The following DEF6 variants were observed in gnomAD, a reference collection of about 807,000 sequenced individuals.
DEF6 encodes differentially expressed in FDCP 6 homolog.
In DEF6, 32 loss-of-function variants were observed where a neutral mutation model predicts 80.5. The observed-to-expected ratio is 0.40, with a 90% CI of 0.30 to 0.53. The LOEUF (loss-of-function observed/expected upper bound fraction) is 0.53. DEF6 is among the 20% of genes least tolerant of loss of function. The pLI, the probability that DEF6 is intolerant of heterozygous loss-of-function variation, is 0.57. For synonymous variants in DEF6, 300 were observed against 337.9 expected (o/e 0.89, Z 1.23); for missense variants, 575 against 818.7 (o/e 0.70, Z 3.63).
chr6:35,314,707 T>G (rs1791505561), intron 5 of DEF6, among the ~76,000 whole-genome samples: 1 of 152,214 alleles, frequency 6.6e-6, no homozygotes, highest in Non-Finnish European at 1.5e-5. Context: ...TTTTCTCCTA[T>G]TCTGTGGGTT....
chr6:35,312,381 A>G lies in DEF6; in HGVS notation c.503A>G (p.Gln168Arg), dbSNP rs1262385231. 1.5e-5 allele frequency: 24 copies of G among 1,614,008 alleles called. No homozygotes were observed. Among genetic ancestry groups the G allele is most frequent in the Non-Finnish European group, 1.9e-5 (22 of 1,180,014 alleles). ...SLGELEELLA[Q>R]EAQVAQTTGG... ...GGTGAGCTGGAGGAGCTTCTGGCCC[A>G]GGAGGCCCAGGTGGCCCAGACCACC... Residue 168 changes from glutamine to arginine, a missense_variant, in exon 4 of 11, where the codon CAG becomes CGG. Gln to Arg is a conservative substitution (Grantham distance 43). Transcript: ENST00000316637. The surrounding 1 kb of genome is among the most constrained non-coding windows in gnomAD (Gnocchi z 6.6).
rs747794235 is a variant in DEF6 at position 35,312,618 on chromosome 6, G to A, written c.661-8G>A. The A allele has an allele frequency of 6.2e-7, 1 of 1,614,230 alleles. No individual in the cohort carries two copies. Among genetic ancestry groups the A allele is most frequent in the South Asian group, 1.1e-5 (1 of 91,088 alleles). On this transcript the variant is annotated splice_polypyrimidine_tract_variant and splice_region_variant and intron_variant, in intron 4 of 10. Coordinates refer to ENST00000316637, the MANE Select transcript of DEF6 (RefSeq NM_022047.4). This position sits in a 1 kb window ranked among gnomAD's most constrained non-coding sequence, Gnocchi z 6.6. Reference sequence around the variant, plus strand: ...CTGGGAAGCCTCTGACGTAACTCCGGCTGGCAGGGCTACCTGTGGAAGCGA... The same window carrying A: ...CTGGGAAGCCTCTGACGTAACTCCGACTGGCAGGGCTACCTGTGGAAGCGA...
At chr6:35,303,718 C>T (rs187279146) in intron 1 of DEF6, among the ~76,000 whole-genome samples, 31 of 152,104 alleles carry the variant, frequency 2.0e-4, no homozygotes, top group African/African-American at 7.0e-4. Context: ...GTGATCAGGC[C>T]GGGCAGGGTA....
chr6:35,309,052 C>G (rs1426102405), intron 1 of DEF6, among the ~76,000 whole-genome samples: 1 of 152,166 alleles, frequency 6.6e-6, no homozygotes, highest in Non-Finnish European at 1.5e-5. Flanking sequence ...TTCTTTGAGC[C>G]CTCTCCTCTC....
Position 35,309,822 on chromosome 6 carries a change from CT to C in DEF6, c.237+14del. 1 of 1,613,346 alleles carries C rather than the reference CT, an allele frequency of 6.2e-7. No individual in the cohort carries two copies. Among genetic ancestry groups the C allele is most frequent in the Non-Finnish European group, 8.5e-7 (1 of 1,179,550 alleles). The stretch of plus-strand genomic sequence containing the variant: ...ACATCCTGGACAAGGTGGGGCCCAG[CT>C]TGTAGGGAGCATCTGTAACCTCTCC... On this transcript the variant is annotated intron_variant, in intron 2 of 10. Transcript: ENST00000316637.
chr6:35,318,392 A>G lies in DEF6; in HGVS notation c.1136A>G (p.Gln379Arg). 7 of 1,532,656 alleles carry G rather than the reference A, an allele frequency of 4.6e-6. No individual in the cohort carries two copies. Among genetic ancestry groups the G allele is most frequent in the Non-Finnish European group, 6.1e-6 (7 of 1,144,078 alleles). The allele number at this position is 1,532,656 out of a possible 1,614,324, so 94.9% of individuals were successfully genotyped here. A position where few individuals can be genotyped will look rare whatever the true frequency, so the allele number is the denominator to read the frequency against. Residue 379 changes from glutamine (Q) to arginine (R), a missense_variant, in exon 7 of 11, where the codon CAG becomes CGG. Physicochemically the swap from Gln to Arg is conservative, Grantham distance 43. Coordinates refer to ENST00000316637, the MANE Select transcript of DEF6 (RefSeq NM_022047.4). The surrounding 1 kb of genome is among the most constrained non-coding windows in gnomAD (Gnocchi z 5.1). ...EAQRQAERLLQEEEERRRSQH... is the reference protein window; with the variant it reads ...EAQRQAERLLREEEERRRSQH... The stretch of plus-strand genomic sequence containing the variant: ...CAGCGGCAGGCCGAGCGGCTGCTGC[A>G]GGAGGAGGAGGAACGGCGCCGCAGC...
chr6:35,317,734 C>T, intron 5 of DEF6, 157 bp from the exon 6 acceptor site: 1 of 596,650 alleles, frequency 1.7e-6, no homozygotes, highest in Non-Finnish European at 2.9e-6. Flanking sequence ...TTAAGTCCCC[C>T]ATAACTTATG....
At chr6:35,320,063 A>G in intron 9 of DEF6, 46 bp downstream of exon 9, 1 of 1,530,994 alleles carries the variant, frequency 6.5e-7, no homozygotes, top group Non-Finnish European at 8.8e-7. Context: ...GGGTGAGCTC[A>G]TTAGGGCACA....
At position 35,309,777 on chromosome 6, in the gene DEF6, C is replaced by T. The variant is rs1286255030; in HGVS notation, c.204C>T (p.Tyr68=). 1 of 1,613,996 alleles carries T rather than the reference C, an allele frequency of 6.2e-7. No individual in the cohort carries two copies. Among genetic ancestry groups the T allele is most frequent in the Non-Finnish European group, 8.5e-7 (1 of 1,180,020 alleles). The part of the protein sequence containing the change: ...DDDGPVSSQG[Y]MPYLNKYILD... ...ACGGCCCTGTGTCCAGCCAGGGATA[C>T]ATGCCCTACCTCAACAAGTACATCC... is the stretch of plus-strand genomic sequence containing the variant. Residue 68 remains tyrosine (Y), a synonymous_variant, in exon 2 of 11, where the codon TAC becomes TAT. Transcript: ENST00000316637.
In DEF6 at chr6:35,312,090, C is replaced by T. The variant is rs1019823062; in HGVS notation, c.424-212C>T. 6.6e-6 allele frequency among the ~76,000 whole-genome samples: 1 copy of T among 152,118 alleles called. No homozygotes were observed. Among genetic ancestry groups the T allele is most frequent in the African/African-American group, 2.4e-5 (1 of 41,414 alleles). Reference sequence around the variant, plus strand: ...AAGGAGTGGGACTGGAGGTTGTGGACGGGGAGAGAAAACCTGAGTTGGGGT... The same window carrying T: ...AAGGAGTGGGACTGGAGGTTGTGGATGGGGAGAGAAAACCTGAGTTGGGGT... On this transcript the variant is annotated intron_variant, in intron 3 of 10. Coordinates refer to ENST00000316637, the MANE Select transcript of DEF6 (RefSeq NM_022047.4). The surrounding 1 kb of genome is among the most constrained non-coding windows in gnomAD (Gnocchi z 6.6).
chr6:35,318,413 G>T lies in DEF6; in HGVS notation c.1157G>T (p.Arg386Leu), dbSNP rs902941435. ...RLLQEEEERR[R>L]SQHRELQQAL... ...CTGCAGGAGGAGGAGGAACGGCGCC[G>T]CAGCCAGCACCGCGAGCTGCAGCAG... The change falls in exon 7 of 11, where the codon CGC (arginine) becomes CTC (leucine). Residue 386 changes from arginine (R) to leucine (L), a missense_variant. Transcript: ENST00000316637. The surrounding 1 kb of genome is among the most constrained non-coding windows in gnomAD (Gnocchi z 5.1). The T allele has an allele frequency of 4.6e-6, 7 of 1,523,944 alleles. No homozygotes were observed. Among genetic ancestry groups the T allele is most frequent in the Non-Finnish European group, 5.3e-6 (6 of 1,141,408 alleles). The allele number at this position is 1,523,944 out of a possible 1,614,324, so 94.4% of individuals were successfully genotyped here.
chr6:35,321,490 T>C lies in DEF6; in HGVS notation c.*80T>C. On this transcript the variant is annotated 3_prime_UTR_variant, in exon 11 of 11. Coordinates refer to ENST00000316637, the MANE Select transcript of DEF6 (RefSeq NM_022047.4). ...GCTGGCCTGTGGGTGATCCCAGCTC[T>C]TACTAGGAGAGGGAGCTGAGGTCCT... 2.2e-6 allele frequency: 3 copies of C among 1,360,850 alleles called. No homozygotes were observed. The highest frequency in any genetic ancestry group is 3.1e-6 in the Non-Finnish European group (3 of 983,544). The allele number at this position is 1,360,850 out of a possible 1,614,324, so 84.3% of individuals were successfully genotyped here.
intron 2 of DEF6, 55 bp downstream of exon 2, chr6:35,309,865 G>T: frequency 6.3e-7 from 1 of 1,599,962 alleles, no homozygotes; most frequent in Admixed American, 1.7e-5. Flanking sequence ...TTCCAGCCTG[G>T]CCAGCAGCCT....
At chr6:35,320,076 C>T in intron 9 of DEF6, 59 bp downstream of exon 9, 4 of 1,503,810 alleles carry the variant, frequency 2.7e-6, no homozygotes, top group Non-Finnish European at 2.7e-6. Context: ...AGGGCACAGG[C>T]TCTGGAGCCA....
chr6:35,317,637 T>G, intron 5 of DEF6: 4 of 417,484 alleles, frequency 9.6e-6, no homozygotes, highest in Non-Finnish European at 1.7e-5. Flanking sequence ...TGAGTGGCGA[T>G]TATGTACTGG....
intron 5 of DEF6, among the ~76,000 whole-genome samples, chr6:35,315,699 G>A (rs550068433): frequency 6.6e-6 from 1 of 151,956 alleles, no homozygotes; most frequent in East Asian, 1.9e-4. Context: ...TACATTCTTT[G>A]TAGCTGTTGG....
rs1791569892 is a variant in DEF6 at position 35,319,960 on chromosome 6, C to T, written c.1524C>T (p.Ala508=). ...AGCAGAGCCGCTCCCTGCAGCAGGC[C>T]CAGCAGCAGCTGGAGGAGGTGCGGC... ...MAQQSRSLQQ[A]QQQLEEVRQN... Residue 508 remains alanine (A), a synonymous_variant, in exon 9 of 11, where the codon GCC becomes GCT. Transcript: ENST00000316637. This position sits in a 1 kb window ranked among gnomAD's most constrained non-coding sequence, Gnocchi z 4.5. The T allele has an allele frequency of 1.3e-6, 2 of 1,566,360 alleles. No homozygotes were observed. Among genetic ancestry groups the T allele is most frequent in the Non-Finnish European group, 1.7e-6 (2 of 1,154,968 alleles).
chr6:35,302,872 C>A (rs1055780565), intron 1 of DEF6, among the ~76,000 whole-genome samples: 3 of 152,146 alleles, frequency 2.0e-5, no homozygotes, highest in African/African-American at 7.2e-5. Context: ...TGGAGTCAGA[C>A]CTTGGGCAAG....
intron 2 of DEF6, 32 bp from the exon 3 acceptor site, chr6:35,310,427 T>C: frequency 1.2e-6 from 2 of 1,606,636 alleles, no homozygotes; most frequent in South Asian, 1.1e-5. Context: ...AGCTGAGATA[T>C]GCAGTCAGCT....
Sources: allele counts gnomAD v4.1 joint callset (sites outside exome capture counted in the v4.1 genomes callset), GRCh38; gene constraint gnomAD v4.1.1; non-coding constraint Gnocchi (gnomAD v3.1); transcripts MANE v1.5; gene names NCBI Gene and HGNC (gene_info 2026-07-23, HGNC 2026-07-21).